The following DOK6 variants were observed in gnomAD, a reference collection of about 807,000 sequenced individuals.
DOK6 encodes docking protein 6.
In DOK6, 22 loss-of-function variants were observed where a neutral mutation model predicts 44.0. The ratio of observed to expected loss-of-function variants is 0.50; its 90% CI spans 0.36 to 0.71. The LOEUF is 0.71. Among genes scored for constraint, DOK6 ranks in the 30% least tolerant of loss-of-function variants. DOK6 has a pLI of 0.00. For missense variants in DOK6, 340 were observed against 416.4 expected, an observed-to-expected ratio of 0.82 and a Z score of 1.60; for synonymous variants, 166 against 145.5, an observed-to-expected ratio of 1.14 and a Z score of -1.01.
chr18:69,526,374 T>TATC (rs374182190), intron 1 of DOK6, among the ~76,000 whole-genome samples: 274 of 152,318 alleles, frequency 1.8e-3, no homozygotes, highest in African/African-American at 6.4e-3. Context: ...AGCATAATGC[T>TATC]ATCAATTATG....
At chr18:69,410,415 A>G (rs751585639) in intron 1 of DOK6, among the ~76,000 whole-genome samples, 48 of 152,348 alleles carry the variant, frequency 3.2e-4, no homozygotes, top group Middle Eastern at 3.4e-3. Context: ...TTTTTAGGAA[A>G]CAGAGAAAAT....
rs1555670147 is a variant in DOK6 at position 69,774,133 on chromosome 18, G to GAGATATATATATATATATATAT, written c.856+16261_856+16262insGATATATATATATATATATATA. 1.8e-4 allele frequency among the ~76,000 whole-genome samples: 12 copies of GAGATATATATATATATATATAT among 66,894 alleles called. No homozygotes were observed. In the East Asian group the frequency reaches 2.8e-3, roughly 15 times the overall value. 43.9% of individuals were successfully genotyped at this position (66,894 alleles called of 152,430 possible). A position where few individuals can be genotyped will look rare whatever the true frequency, so the allele number is the denominator to read the frequency against. Reference sequence around the variant, plus strand: ...TAGATTTATATAGATATATATATGAGATATATATATATATATATATATAAT... The same window carrying GAGATATATATATATATATATAT: ...TAGATTTATATAGATATATATATGAGAGATATATATATATATATATATATATATATATATATATATATATAAT... On this transcript the variant is annotated intron_variant, in intron 7 of 7. Coordinates refer to ENST00000382713, the MANE Select transcript of DOK6 (RefSeq NM_152721.6).
chr18:69,726,472 C>T (rs900137650), intron 5 of DOK6, among the ~76,000 whole-genome samples: 10 of 152,190 alleles, frequency 6.6e-5, no homozygotes, highest in Admixed American at 1.3e-4. Context: ...ATCTTAATGT[C>T]GCGTGTGAAT....
chr18:69,626,129 T>C (rs1984551814), intron 3 of DOK6, among the ~76,000 whole-genome samples: 2 of 152,214 alleles, frequency 1.3e-5, no homozygotes, highest in South Asian at 4.1e-4. Context: ...TAGTAATCCA[T>C]TGTATTTTTC....
At chr18:69,482,055 A>C (rs368915819) in intron 1 of DOK6, among the ~76,000 whole-genome samples, 1 of 151,926 alleles carries the variant, frequency 6.6e-6, no homozygotes, top group South Asian at 2.1e-4. Context: ...CCTTTGCCCA[A>C]TTTTTGATGG....
intron 1 of DOK6, among the ~76,000 whole-genome samples, chr18:69,455,196 A>T (rs1391394951): frequency 2.4e-5 from 1 of 41,340 alleles, no homozygotes; most frequent in Non-Finnish European, 4.2e-5. Flanking sequence ...GAAAAAAGGA[A>T]AAAAAAAAGA....
intron 1 of DOK6, among the ~76,000 whole-genome samples, chr18:69,406,153 A>G (rs1568247085): frequency 6.6e-6 from 1 of 152,236 alleles, no homozygotes; most frequent in African/African-American, 2.4e-5. Context: ...GTATCTATAC[A>G]TATTCCTGCA....
At chr18:69,535,660 A>G (rs1982104365) in intron 1 of DOK6, among the ~76,000 whole-genome samples, 1 of 151,850 alleles carries the variant, frequency 6.6e-6, no homozygotes, top group Non-Finnish European at 1.5e-5. Flanking sequence ...TAAGAGTATT[A>G]CTTCTAATAT....
intron 3 of DOK6, among the ~76,000 whole-genome samples, chr18:69,624,828 AT>A (rs1984520558): frequency 6.6e-6 from 1 of 152,078 alleles, no homozygotes; most frequent in Non-Finnish European, 1.5e-5. Context: ...TGTTTTGTAT[AT>A]TCTTTTACTT....
intron 1 of DOK6, among the ~76,000 whole-genome samples, chr18:69,547,735 C>T (rs1430589330): frequency 2.0e-5 from 3 of 151,044 alleles, no homozygotes; most frequent in African/African-American, 7.2e-5. Flanking sequence ...CCTCTGGTAA[C>T]CATCATTCTA....
chr18:69,431,203 G>A (rs994020649), intron 1 of DOK6, among the ~76,000 whole-genome samples: 4 of 152,172 alleles, frequency 2.6e-5, no homozygotes, highest in African/African-American at 7.2e-5. Flanking sequence ...AGTATTTTCA[G>A]CAGGCACAAA....
chr18:69,562,930 C>A (rs1982873176), intron 1 of DOK6, among the ~76,000 whole-genome samples: 1 of 152,120 alleles, frequency 6.6e-6, no homozygotes, highest in Non-Finnish European at 1.5e-5. Flanking sequence ...CCAGAATCTA[C>A]AATGAACTCC....
intron 7 of DOK6, among the ~76,000 whole-genome samples, chr18:69,783,025 A>G (rs1980323637): frequency 6.6e-6 from 1 of 152,202 alleles, no homozygotes; most frequent in African/African-American, 2.4e-5. Context: ...CTTAGTTGGT[A>G]TATTTCGTTT....
chr18:69,568,776 A>C (rs34625577), intron 2 of DOK6, among the ~76,000 whole-genome samples: 1 of 151,664 alleles, frequency 6.6e-6, no homozygotes, highest in Non-Finnish European at 1.5e-5. Flanking sequence ...TTACATTCTC[A>C]TAGGAGCACA....
chr18:69,754,716 A>G (rs1272790216), intron 6 of DOK6, among the ~76,000 whole-genome samples: 1 of 152,154 alleles, frequency 6.6e-6, no homozygotes, highest in Non-Finnish European at 1.5e-5. Flanking sequence ...TTCTCTGTGA[A>G]TATTTATCCC....
chr18:69,605,076 TTGTGTGTGTGTGTGTGTG>T (rs71176987), intron 3 of DOK6, among the ~76,000 whole-genome samples: 3,882 of 125,834 alleles, frequency 0.031, 78 homozygotes, highest in East Asian at 0.12. Context: ...AGAGATCCCT[TTGTGTGTGTGTGTGTGTG>T]TGTGTGTGTG....
At chr18:69,416,807 A>T (rs1315905073) in intron 1 of DOK6, among the ~76,000 whole-genome samples, 1 of 152,170 alleles carries the variant, frequency 6.6e-6, no homozygotes, top group Non-Finnish European at 1.5e-5. Flanking sequence ...CTATGTTGTG[A>T]TCACTTTGGA....
chr18:69,564,641 AG>A (rs1197639557), intron 2 of DOK6, 47 bp downstream of exon 2: 1 of 1,407,092 alleles, frequency 7.1e-7, no homozygotes, highest in Non-Finnish European at 9.7e-7. Context: ...GGGCCCTTGA[AG>A]ACTTGTGGAG....
intron 1 of DOK6, among the ~76,000 whole-genome samples, chr18:69,423,718 C>T (rs992171429): frequency 6.6e-6 from 1 of 152,108 alleles, no homozygotes; most frequent in African/African-American, 2.4e-5. Flanking sequence ...CTTCTTTTGT[C>T]CTCAGCAAAA....
Sources: allele counts gnomAD v4.1 joint callset (sites outside exome capture counted in the v4.1 genomes callset), GRCh38; gene constraint gnomAD v4.1.1; transcripts MANE v1.5; gene names NCBI Gene and HGNC (gene_info 2026-07-23, HGNC 2026-07-21).